The following FAM72B variants were observed in gnomAD, a reference collection of about 807,000 sequenced individuals.
The protein encoded by FAM72B is protein FAM72B.
Under a neutral mutation model 12.6 loss-of-function variants are expected in FAM72B, and 4 were observed. The ratio of observed to expected loss-of-function variants is 0.32; its 90% CI spans 0.16 to 0.73. FAM72B has a LOEUF of 0.73. Among genes scored for constraint, FAM72B ranks in the 30% least tolerant of loss-of-function variants. The pLI is 0.67. For synonymous variants in FAM72B, 13 were observed against 53.9 expected (o/e 0.24, Z 3.32); for missense variants, 61 against 158.4 (o/e 0.39, Z 3.30).
At chr1:121,174,718 G>A (rs1490351110) in intron 3 of FAM72B, among the ~76,000 whole-genome samples, 1 of 144,686 alleles carries the variant, frequency 6.9e-6, no homozygotes, top group Non-Finnish European at 1.5e-5. Flanking sequence ...GTGCAATGGT[G>A]CGATCTCGGC....
At chr1:121,174,670 T>C (rs1394657252) in intron 3 of FAM72B, among the ~76,000 whole-genome samples, 1 of 150,796 alleles carries the variant, frequency 6.6e-6, no homozygotes, top group East Asian at 1.9e-4. Context: ...CCCGGCCTCT[T>C]ATTCCTTTTT....
chr1:121,179,920 T>G (rs1654297496), intron 2 of FAM72B, among the ~76,000 whole-genome samples: 1 of 136,442 alleles, frequency 7.3e-6, no homozygotes, highest in Admixed American at 7.2e-5. Context: ...CTTGTAACAA[T>G]GACTACCACA....
At chr1:121,180,637 A>G (rs1211684643) in intron 2 of FAM72B, among the ~76,000 whole-genome samples, 1 of 151,732 alleles carries the variant, frequency 6.6e-6, no homozygotes, top group Admixed American at 6.6e-5. Flanking sequence ...AGGAGAGAGG[A>G]TCACTTGAGG....
chr1:121,179,376 T>TCAAAA (rs1324304611), intron 2 of FAM72B, among the ~76,000 whole-genome samples: 9 of 151,108 alleles, frequency 6.0e-5, no homozygotes, highest in Admixed American at 5.9e-4. Flanking sequence ...AGACTCCGTC[T>TCAAAA]CAAAACAAAA....
At chr1:121,179,543 G>T (rs1553317315) in intron 2 of FAM72B, among the ~76,000 whole-genome samples, 1 of 152,156 alleles carries the variant, frequency 6.6e-6, no homozygotes, top group Non-Finnish European at 1.5e-5. Context: ...AATTAGCCGT[G>T]TGGGCTGGGT....
rs1553317987 is a variant in FAM72B at position 121,183,407 on chromosome 1, C to G, written c.83G>C (p.Arg28Thr). 5.2e-6 allele frequency: 8 copies of G among 1,542,410 alleles called. No homozygotes were observed. The highest frequency in any genetic ancestry group is 7.0e-6 in the Non-Finnish European group (8 of 1,146,170). Residue 28 changes from arginine (R) to threonine (T), a missense_variant, in exon 1 of 4, where the codon AGG (arginine) becomes ACG (threonine). By Grantham distance (71) the Arg-to-Thr change is moderately conservative. Coordinates refer to ENST00000369390, the MANE Select transcript of FAM72B (RefSeq NM_001100910.2). ...AGCCAGCAAAACAGCCTTCATTCCC[C>G]TAGAGCTGAGCACTTGTTTACAGAA... Reference protein sequence around the residue: ...CKFCKQVLSSRGMKAVLLADT... With the variant: ...CKFCKQVLSSTGMKAVLLADT...
In FAM72B at chr1:121,168,467, A is replaced by AT. The variant is rs1654016809; in HGVS notation, c.*273dup. ...CCCCAGATTGGGAGGTAACTGAGTG[A>AT]TATGTGAAAGAATCTTCCCGTCTGA... On this transcript the variant is annotated 3_prime_UTR_variant, in exon 4 of 4. Coordinates refer to ENST00000369390, the MANE Select transcript of FAM72B (RefSeq NM_001100910.2). 4.1e-6 allele frequency: 1 copy of AT among 246,878 alleles called. No individual in the cohort carries two copies. The highest frequency in any genetic ancestry group is 7.7e-6 in the Non-Finnish European group (1 of 129,064). The allele number at this position is 246,878 out of a possible 1,614,324, so 15.3% of individuals were successfully genotyped here.
chr1:121,172,710 CCGA>C (rs1654119226), intron 3 of FAM72B, among the ~76,000 whole-genome samples: 1 of 132,358 alleles, frequency 7.6e-6, no homozygotes. Flanking sequence ...TTGCGGTGAG[CCGA>C]GATCACGCCA....
Position 121,173,139 on chromosome 1 carries a change from AT to A in FAM72B, c.355+4068del, listed in dbSNP as rs1355271674. Among the ~76,000 whole-genome samples the A allele has an allele frequency of 9.8e-4, 146 of 148,552 alleles. 1 individual carries two copies. Among genetic ancestry groups the A allele is most frequent in the South Asian group, 1.9e-3 (9 of 4,744 alleles). ...AGCACCTTAACACAAGGAAAAAGAA[AT>A]TTTTTTTTTAAAAGAATTGGTAGTG... On this transcript the variant is annotated intron_variant, in intron 3 of 3. Coordinates refer to ENST00000369390, the MANE Select transcript of FAM72B (RefSeq NM_001100910.2).
chr1:121,182,227 T>TA (rs1159374682), intron 1 of FAM72B, among the ~76,000 whole-genome samples: 6 of 148,140 alleles, frequency 4.1e-5, no homozygotes, highest in Non-Finnish European at 7.5e-5. Context: ...ACTTAGAATT[T>TA]AAAAAAATTA....
rs1379744909 is a variant in FAM72B at position 121,183,745 on chromosome 1, A to G, written c.-256T>C. ...CTTTTGGAGAAGGGAGTGGAGTTTGAATTGGAGAGGAGGCAGGTGGAGTTT... is the reference window on the plus strand; with the variant it reads ...CTTTTGGAGAAGGGAGTGGAGTTTGGATTGGAGAGGAGGCAGGTGGAGTTT... On this transcript the variant is annotated 5_prime_UTR_variant, in exon 1 of 4. Coordinates refer to ENST00000369390, the MANE Select transcript of FAM72B (RefSeq NM_001100910.2). 119 of 264,756 alleles carry G rather than the reference A, an allele frequency of 4.5e-4. No individual in the cohort carries two copies. The highest frequency in any genetic ancestry group is 1.4e-3 in the Admixed American group (29 of 21,086). The allele number at this position is 264,756 out of a possible 1,614,324, so 16.4% of individuals were successfully genotyped here. A position where few individuals can be genotyped will look rare whatever the true frequency, so the allele number is the denominator to read the frequency against.
intron 3 of FAM72B, among the ~76,000 whole-genome samples, chr1:121,176,310 T>C (rs1405173573): frequency 7.9e-6 from 1 of 126,622 alleles, no homozygotes; most frequent in African/African-American, 3.2e-5. Flanking sequence ...GCTGGGACGA[T>C]AGTATGCCCC....
chr1:121,179,610 C>T (rs1446966918), intron 2 of FAM72B, among the ~76,000 whole-genome samples: 1 of 152,072 alleles, frequency 6.6e-6, no homozygotes, highest in Non-Finnish European at 1.5e-5. Context: ...GGTGGTCTGC[C>T]TGAGCTCAGG....
intron 3 of FAM72B, among the ~76,000 whole-genome samples, chr1:121,173,196 T>C (rs1173955620): frequency 1.8e-4 from 27 of 148,010 alleles, no homozygotes; most frequent in African/African-American, 6.9e-4. Flanking sequence ...TTTTTTTTTT[T>C]TTTTTTGAGA....
At chr1:121,180,752 A>G (rs1553317527) in intron 2 of FAM72B, among the ~76,000 whole-genome samples, 1 of 151,298 alleles carries the variant, frequency 6.6e-6, no homozygotes. Flanking sequence ...CCAGCTACTC[A>G]GGAGGCTGAG....
chr1:121,173,302 T>C (rs1654144822), intron 3 of FAM72B, among the ~76,000 whole-genome samples: 1 of 141,864 alleles, frequency 7.0e-6, no homozygotes, highest in South Asian at 2.3e-4. Flanking sequence ...TTTCATCATA[T>C]TGGCCAGGCT....
At chr1:121,179,709 T>C (rs1654291702) in intron 2 of FAM72B, among the ~76,000 whole-genome samples, 1 of 145,750 alleles carries the variant, frequency 6.9e-6, no homozygotes, top group Non-Finnish European at 1.5e-5. Context: ...GTGCCTGTAG[T>C]CTCAGCTACT....
chr1:121,179,806 C>T (rs372954113), intron 2 of FAM72B, among the ~76,000 whole-genome samples: 2,985 of 131,528 alleles, frequency 0.023, 39 homozygotes, highest in Middle Eastern at 0.049. Context: ...CTAGCCTGGG[C>T]GACAGAGCAA....
At chr1:121,173,083 A>G (rs1246959495) in intron 3 of FAM72B, among the ~76,000 whole-genome samples, 1 of 151,058 alleles carries the variant, frequency 6.6e-6, no homozygotes, top group African/African-American at 2.4e-5. Context: ...GTCTCAAAAA[A>G]AAAAAAAAAG....
Sources: allele counts gnomAD v4.1 joint callset (sites outside exome capture counted in the v4.1 genomes callset), GRCh38; gene constraint gnomAD v4.1.1; transcripts MANE v1.5; gene names NCBI Gene and HGNC (gene_info 2026-07-23, HGNC 2026-07-21).